The following SELENOI variants were observed in gnomAD, a reference collection of about 807,000 sequenced individuals.
The protein encoded by SELENOI is selenoprotein I.
SELENOI carries 24 observed loss-of-function variants against 50.7 expected under a neutral mutation model. That is an observed-to-expected ratio of 0.47 (90% CI 0.34 to 0.67). SELENOI has a LOEUF of 0.67. Ranked by LOEUF, SELENOI falls within the 30% of genes least tolerant of loss-of-function variation. The pLI, the probability that SELENOI is intolerant of heterozygous loss-of-function variation, is 0.01. For missense variants in SELENOI, 352 were observed against 461.4 expected (o/e 0.76, Z 2.17); for synonymous variants, 155 against 170.2 (o/e 0.91, Z 0.70).
Position 26,364,885 on chromosome 2 carries a change from G to A in SELENOI, c.180G>A (p.Leu60=). The change falls in exon 3 of 10, where the codon CTG becomes CTA. Residue 60 remains leucine (L), a synonymous_variant. Coordinates refer to ENST00000260585, the MANE Select transcript of SELENOI (RefSeq NM_033505.4). ...PNLITFSGFL[L]VVFNFLLMAY... is the part of the protein sequence containing the mutation. ...TGATAACTTTTTCTGGCTTTCTGCTGGTCGTATTCAATTTTCTGCTAATGG... is the reference window on the plus strand; with the variant it reads ...TGATAACTTTTTCTGGCTTTCTGCTAGTCGTATTCAATTTTCTGCTAATGG... 1 of 1,610,614 alleles carries A rather than the reference G, an allele frequency of 6.2e-7. No homozygotes were observed. The highest frequency in any genetic ancestry group is 8.5e-7 in the Non-Finnish European group (1 of 1,178,414).
chr2:26,384,874 A>G, intron 7 of SELENOI, 85 bp from the exon 8 acceptor site: 1 of 935,038 alleles, frequency 1.1e-6, no homozygotes, highest in Non-Finnish European at 1.5e-6. Context: ...TAAGTGTATA[A>G]ATAAGGAAAC....
At chr2:26,367,023 A>T in intron 3 of SELENOI, 123 bp from the exon 4 acceptor site, 2 of 796,942 alleles carry the variant, frequency 2.5e-6, no homozygotes, top group African/African-American at 3.6e-5. Flanking sequence ...TGGATTCAAA[A>T]TATATTGTAA....
intron 1 of SELENOI, among the ~76,000 whole-genome samples, chr2:26,359,720 A>T (rs1677135539): frequency 6.6e-6 from 1 of 152,038 alleles, no homozygotes; most frequent in South Asian, 2.1e-4. Context: ...GCAGGGGAGG[A>T]TTTTGTTAGT....
intron 1 of SELENOI, among the ~76,000 whole-genome samples, chr2:26,348,477 G>A (rs1166128733): frequency 6.6e-6 from 1 of 152,216 alleles, no homozygotes; most frequent in Non-Finnish European, 1.5e-5. Context: ...GGGTGCACAC[G>A]GGGAGTGGAA....
At chr2:26,386,654 G>A (rs1677850681) in intron 9 of SELENOI, 118 bp downstream of exon 9, 1 of 810,912 alleles carries the variant, frequency 1.2e-6, no homozygotes, top group African/African-American at 1.8e-5. Flanking sequence ...TATTATAGTA[G>A]CTGTAAGGGT....
chr2:26,356,827 C>A (rs114169129), intron 1 of SELENOI, among the ~76,000 whole-genome samples: 1 of 152,030 alleles, frequency 6.6e-6, no homozygotes, highest in Non-Finnish European at 1.5e-5. Flanking sequence ...TTTATATCAC[C>A]CTTCTTTATG....
At chr2:26,383,238 C>CAGT in intron 6 of SELENOI, 61 bp from the exon 7 acceptor site, 1 of 1,271,228 alleles carries the variant, frequency 7.9e-7, no homozygotes, top group Non-Finnish European at 1.1e-6. Flanking sequence ...TTGCATGATT[C>CAGT]AGTGGTAATG....
chr2:26,357,293 C>A (rs1677084424), intron 1 of SELENOI, among the ~76,000 whole-genome samples: 1 of 152,198 alleles, frequency 6.6e-6, no homozygotes, highest in Non-Finnish European at 1.5e-5. Flanking sequence ...ACATTCTTTA[C>A]CTGACTGCCT....
chr2:26,365,702 G>C (rs1286586356), intron 3 of SELENOI, among the ~76,000 whole-genome samples: 1 of 151,664 alleles, frequency 6.6e-6, no homozygotes, highest in Non-Finnish European at 1.5e-5. Context: ...CTGTGTATGA[G>C]TTCAGCAGAC....
chr2:26,358,439 C>G lies in SELENOI; in HGVS notation c.58-5863C>G, dbSNP rs575349895. 9.9e-5 allele frequency among the ~76,000 whole-genome samples: 15 copies of G among 152,276 alleles called. 1 individual carries two copies. In the South Asian group the frequency reaches 1.7e-3, roughly 17 times the overall value. ...AACCTTTTATAGCCCAGGCTGGTCTCAAACTCCTGGGCTCAAGTGATTCCC... is the reference window on the plus strand; with the variant it reads ...AACCTTTTATAGCCCAGGCTGGTCTGAAACTCCTGGGCTCAAGTGATTCCC... On this transcript the variant is annotated intron_variant, in intron 1 of 9. Transcript: ENST00000260585.
intron 7 of SELENOI, among the ~76,000 whole-genome samples, chr2:26,384,703 A>G (rs1677802283): frequency 6.6e-6 from 1 of 152,212 alleles, no homozygotes; most frequent in African/African-American, 2.4e-5. Flanking sequence ...AAGAGAAAAA[A>G]ATGGGATTAG....
intron 1 of SELENOI, among the ~76,000 whole-genome samples, chr2:26,360,539 G>A (rs899667112): frequency 3.3e-5 from 5 of 152,218 alleles, no homozygotes; most frequent in Non-Finnish European, 7.3e-5. Context: ...GCTGCTGAAT[G>A]AAAATGAGCA....
chr2:26,388,166 C>G (rs12470259), intron 9 of SELENOI, among the ~76,000 whole-genome samples: 87,506 of 151,932 alleles, frequency 0.58, 25,458 homozygotes, highest in East Asian at 0.66. Context: ...CAATACTCTT[C>G]GGCCTTTATC....
chr2:26,393,091 A>T lies in SELENOI; in HGVS notation c.*3988A>T, dbSNP rs1678006518. On this transcript the variant is annotated 3_prime_UTR_variant, in exon 10 of 10. Transcript: ENST00000260585. The stretch of plus-strand genomic sequence containing the variant: ...GTAAATTTCTGATTTTCCTTTATTG[A>T]TTATGTAACCCACGTGATTTGCATA... 1 of 152,614 alleles carries T rather than the reference A, an allele frequency of 6.6e-6. No homozygotes were observed. Among genetic ancestry groups the T allele is most frequent in the African/African-American group, 2.4e-5 (1 of 41,444 alleles). 9.5% of individuals were successfully genotyped at this position (152,614 alleles called of 1,614,324 possible).
At position 26,391,031 on chromosome 2, in the gene SELENOI, TCTTGAC is replaced by T. The variant is rs1351505150; in HGVS notation, c.*1933_*1938del. ...AATGACAAACTTGGACCACAGGCTT[TCTTGAC>T]CTTGTACAGTATAGTAAAAATACCC... On this transcript the variant is annotated 3_prime_UTR_variant, in exon 10 of 10. Transcript: ENST00000260585. 4 of 151,776 alleles carry T rather than the reference TCTTGAC, an allele frequency of 2.6e-5. No homozygotes were observed. Among genetic ancestry groups the T allele is most frequent in the African/African-American group, 9.7e-5 (4 of 41,362 alleles). The allele number at this position is 151,776 out of a possible 1,614,324, so 9.4% of individuals were successfully genotyped here.
Position 26,346,237 on chromosome 2 carries a change from C to T in SELENOI, c.5C>T (p.Ala2Val). The change falls in exon 1 of 10, where the codon GCT becomes GTT. Residue 2 changes from alanine (A) to valine (V), a missense_variant. By Grantham distance (64) the Ala-to-Val change is moderately conservative (BLOSUM62 0). Transcript: ENST00000260585. M[A>V]GYEYVSPEQL... ...GCGCTCAGTTTTCGGGTCGTCATGG[C>T]TGGCTACGAATACGTGAGCCCGGAG... 1.2e-6 allele frequency: 2 copies of T among 1,613,658 alleles called. No individual in the cohort carries two copies. The highest frequency in any genetic ancestry group is 1.7e-6 in the Non-Finnish European group (2 of 1,179,650).
chr2:26,373,793 G>A (rs1383710493), intron 5 of SELENOI, among the ~76,000 whole-genome samples, 164 bp downstream of exon 5: 2 of 152,082 alleles, frequency 1.3e-5, no homozygotes, highest in Non-Finnish European at 2.9e-5. Flanking sequence ...GAATAGTATA[G>A]TGAATAGTAA....
rs2147962812 is a variant in SELENOI, at chr2:26,384,989, T to C, written c.762T>C (p.Asn254=). ...ATAAAAATAACACCTTGAAACTCAA[T>C]TCAGTCTATGAAGCTATGGTTCCCT... The part of the protein sequence containing the change: ...RSYKNNTLKL[N]SVYEAMVPLF... The change falls in exon 8 of 10, where the codon AAT becomes AAC. Residue 254 remains asparagine (N), a synonymous_variant. Coordinates refer to ENST00000260585, the MANE Select transcript of SELENOI (RefSeq NM_033505.4). The C allele has an allele frequency of 6.2e-7, 1 of 1,608,612 alleles. No individual in the cohort carries two copies. The highest frequency in any genetic ancestry group is 2.2e-5 in the East Asian group (1 of 44,772).
chr2:26,348,348 C>T (rs890489874), intron 1 of SELENOI, among the ~76,000 whole-genome samples: 1 of 152,198 alleles, frequency 6.6e-6, no homozygotes, highest in Non-Finnish European at 1.5e-5. Context: ...GAAGAACTGA[C>T]ACTACAAAAG....
Sources: gnomAD v4.1 joint callset for allele counts (sites outside exome capture counted in the v4.1 genomes callset) on GRCh38, gnomAD v4.1.1 for gene constraint, MANE v1.5 for transcripts, NCBI Gene and HGNC (gene_info 2026-07-23, HGNC 2026-07-21) for gene names.